The following PAX5 variants were observed in gnomAD, a reference collection of about 807,000 sequenced individuals.
The protein encoded by PAX5 is paired box 5.
Under a neutral mutation model 43.7 loss-of-function variants are expected in PAX5, and 9 were observed. The observed-to-expected ratio is 0.21, with a 90% confidence interval of 0.12 to 0.36. PAX5 has a LOEUF of 0.36. Ranked by LOEUF, PAX5 falls within the 10% of genes least tolerant of loss-of-function variation. The pLI is 1.00. For synonymous variants in PAX5, 228 were observed against 214.3 expected, an observed-to-expected ratio of 1.06 and a Z score of -0.56; for missense variants, 383 against 532.7, an observed-to-expected ratio of 0.72 and a Z score of 2.77.
At chr9:36,922,672 C>A (rs552055569) in intron 7 of PAX5, 15 of 152,464 alleles carry the variant, frequency 9.8e-5, no homozygotes, top group African/African-American at 3.6e-4. Flanking sequence ...CTTCCACAGA[C>A]GAACAAATTA....
At chr9:36,848,553 C>T (rs1010590389) in intron 8 of PAX5, among the ~76,000 whole-genome samples, 1 of 152,184 alleles carries the variant, frequency 6.6e-6, no homozygotes, top group Non-Finnish European at 1.5e-5. Context: ...TATCCATCAG[C>T]ACCACGGAGC....
chr9:36,929,454 T>C (rs553624604), intron 6 of PAX5, among the ~76,000 whole-genome samples: 3 of 152,316 alleles, frequency 2.0e-5, no homozygotes, highest in South Asian at 4.1e-4. Context: ...GATGTGTAAG[T>C]GTGTTGGTGC....
chr9:37,006,579 AAGG>A (rs774320544), intron 3 of PAX5, 42 bp from the exon 4 acceptor site: 7 of 1,531,994 alleles, frequency 4.6e-6, no homozygotes, highest in East Asian at 4.5e-5. Flanking sequence ...TACCATCAGG[AAGG>A]AGAAGAGACC....
chr9:37,026,898 G>A (rs555353278), intron 1 of PAX5, among the ~76,000 whole-genome samples: 1 of 152,214 alleles, frequency 6.6e-6, no homozygotes, highest in Non-Finnish European at 1.5e-5. Flanking sequence ...GGCTTCGGGG[G>A]CATAGCGTAG....
At chr9:37,009,981 C>T (rs1022595960) in intron 3 of PAX5, among the ~76,000 whole-genome samples, 3 of 152,076 alleles carry the variant, frequency 2.0e-5, no homozygotes, top group Admixed American at 2.0e-4. Flanking sequence ...CTGAAGCTGC[C>T]CCCAGGGGTG....
intron 7 of PAX5, among the ~76,000 whole-genome samples, chr9:36,889,834 T>C (rs914570690): frequency 1.3e-5 from 2 of 150,038 alleles, no homozygotes; most frequent in Non-Finnish European, 3.0e-5. Context: ...CATCACGAAC[T>C]CCACAAAATA....
chr9:36,896,965 C>G lies in PAX5; in HGVS notation c.911-14860G>C, dbSNP rs117947204. 5.7e-3 allele frequency among the ~76,000 whole-genome samples: 873 copies of G among 152,334 alleles called. 7 individuals are homozygous for G. Among genetic ancestry groups the G allele is most frequent in the Non-Finnish European group, 9.0e-3 (612 of 68,034 alleles). On this transcript the variant is annotated intron_variant, in intron 7 of 9. Coordinates refer to ENST00000358127, the MANE Select transcript of PAX5 (RefSeq NM_016734.3). ...CTCTCACATGTAGCAAAGAGCAGAT[C>G]TGAGATTCGGTTCCTGCAGTCAGAC...
intron 6 of PAX5, among the ~76,000 whole-genome samples, chr9:36,949,912 C>T (rs539701334): frequency 1.7e-4 from 26 of 150,458 alleles, no homozygotes; most frequent in Middle Eastern, 3.4e-3. Flanking sequence ...TCCCGTTCCT[C>T]GGGACCTCCC....
chr9:37,025,221 A>G (rs1840219466), intron 1 of PAX5, among the ~76,000 whole-genome samples: 1 of 152,090 alleles, frequency 6.6e-6, no homozygotes, highest in Admixed American at 6.5e-5. Context: ...CAGAAAATTG[A>G]CACAAAGAGA....
chr9:36,855,653 G>A (rs1054814840), intron 8 of PAX5, among the ~76,000 whole-genome samples: 14 of 152,082 alleles, frequency 9.2e-5, no homozygotes, highest in African/African-American at 2.7e-4. Context: ...GCCTGGTGGC[G>A]GTCAAGGCCC....
chr9:36,954,945 A>T (rs1353796851), intron 6 of PAX5, among the ~76,000 whole-genome samples: 2 of 152,116 alleles, frequency 1.3e-5, no homozygotes, highest in African/African-American at 4.8e-5. Flanking sequence ...GAATTTCCTC[A>T]GCTTTGTCTC....
At chr9:36,867,062 G>A (rs989431288) in intron 8 of PAX5, among the ~76,000 whole-genome samples, 1 of 127,894 alleles carries the variant, frequency 7.8e-6, no homozygotes, top group African/African-American at 3.0e-5. Context: ...TGGGGTGGTG[G>A]GGGGGGGGCC....
chr9:37,018,328 G>A (rs1326629477), intron 2 of PAX5, among the ~76,000 whole-genome samples: 1 of 152,074 alleles, frequency 6.6e-6, no homozygotes, highest in Non-Finnish European at 1.5e-5. Context: ...GCCCTGGGTG[G>A]ATTTAACTCA....
chr9:36,856,525 T>G (rs1383063594), intron 8 of PAX5: 1 of 151,966 alleles, frequency 6.6e-6, no homozygotes, highest in Non-Finnish European at 1.5e-5. Flanking sequence ...AGACACAAAT[T>G]TTCGTCTTTC....
At chr9:36,961,013 C>T (rs1257795885) in intron 6 of PAX5, among the ~76,000 whole-genome samples, 2 of 152,208 alleles carry the variant, frequency 1.3e-5, no homozygotes, top group Non-Finnish European at 2.9e-5. Context: ...TCCTCTCCTC[C>T]TCATGGTGGG....
At position 37,014,977 on chromosome 9, in the gene PAX5, C is replaced by A. The variant is rs746564669; in HGVS notation, c.410+20G>T. On this transcript the variant is annotated intron_variant, in intron 3 of 9. Coordinates refer to ENST00000358127, the MANE Select transcript of PAX5 (RefSeq NM_016734.3). ...GCCATCCCTCCAAATCCCCAACCCC[C>A]ACAGGCACGAGCCCCTCACCTGTTG... 6.2e-7 allele frequency: 1 copy of A among 1,607,726 alleles called. No individual in the cohort carries two copies. Among genetic ancestry groups the A allele is most frequent in the Admixed American group, 1.7e-5 (1 of 59,948 alleles).
At chr9:36,913,721 C>T (rs75215100) in intron 7 of PAX5, among the ~76,000 whole-genome samples, 8,471 of 152,162 alleles carry the variant, frequency 0.056, 371 homozygotes, top group Admixed American at 0.08. Flanking sequence ...TGAGATCTTC[C>T]CTGAGCAGCC....
At chr9:36,878,065 A>G (rs939323392) in intron 8 of PAX5, among the ~76,000 whole-genome samples, 1 of 152,198 alleles carries the variant, frequency 6.6e-6, no homozygotes, top group Non-Finnish European at 1.5e-5. Flanking sequence ...GGAAGGAAAC[A>G]GATCTTTCCC....
chr9:36,874,569 A>G (rs1201745686), intron 8 of PAX5, among the ~76,000 whole-genome samples: 1 of 152,192 alleles, frequency 6.6e-6, no homozygotes, highest in Non-Finnish European at 1.5e-5. Flanking sequence ...CAGATAGCCA[A>G]GCACACATGG....
Sources: allele counts gnomAD v4.1 joint callset (sites outside exome capture counted in the v4.1 genomes callset), GRCh38; gene constraint gnomAD v4.1.1; transcripts MANE v1.5; gene names NCBI Gene and HGNC (gene_info 2026-07-23, HGNC 2026-07-21).